The following CTNNA3 variants were observed in gnomAD, a reference collection of about 807,000 sequenced individuals.
CTNNA3 encodes the protein catenin alpha 3, also known as catenin alpha-3.
Under a neutral mutation model 95.7 loss-of-function variants are expected in CTNNA3, and 76 were observed. That is an observed-to-expected ratio of 0.79 (90% CI 0.66 to 0.96). CTNNA3 has a LOEUF of 0.96. Ranked by LOEUF, CTNNA3 falls within the 40% of genes least tolerant of loss-of-function variation. CTNNA3 has a pLI of 0.00. For missense variants in CTNNA3, 1,191 were observed against 1,089.8 expected, an observed-to-expected ratio of 1.09 and a Z score of -1.31; for synonymous variants, 431 against 374.4, an observed-to-expected ratio of 1.15 and a Z score of -1.74.
chr10:66,234,312 A>G (rs1215522468), intron 13 of CTNNA3, among the ~76,000 whole-genome samples: 1 of 152,198 alleles, frequency 6.6e-6, no homozygotes. Flanking sequence ...ATGGTTCTTC[A>G]ACAAGAATCT....
intron 3 of CTNNA3, among the ~76,000 whole-genome samples, chr10:67,575,573 A>G (rs540050220): frequency 6.6e-6 from 1 of 152,160 alleles, no homozygotes; most frequent in African/African-American, 2.4e-5. Flanking sequence ...AGCATTTCAC[A>G]TATAGGAATT....
chr10:66,508,480 A>G (rs1230954216), intron 11 of CTNNA3, among the ~76,000 whole-genome samples: 1 of 152,026 alleles, frequency 6.6e-6, no homozygotes. Context: ...TTCTGTTGCC[A>G]CACTCCTGGT....
intron 3 of CTNNA3, among the ~76,000 whole-genome samples, chr10:67,604,080 G>A (rs564199811): frequency 6.6e-6 from 1 of 152,300 alleles, no homozygotes; most frequent in African/African-American, 2.4e-5. Flanking sequence ...GTAACATGCT[G>A]TACGAGTTTG....
intron 1 of CTNNA3, among the ~76,000 whole-genome samples, chr10:67,692,319 A>T (rs1297252004): frequency 6.7e-6 from 1 of 148,212 alleles, no homozygotes; most frequent in Non-Finnish European, 1.5e-5. Context: ...TGGGGGAAAG[A>T]TTGAGAAATC....
chr10:66,839,508 A>T (rs10997404), intron 7 of CTNNA3, among the ~76,000 whole-genome samples: 48,825 of 151,942 alleles, frequency 0.32, 9,468 homozygotes, highest in African/African-American at 0.55. Context: ...TCAAAGCAAA[A>T]AGACACAAAA....
chr10:67,330,970 T>C (rs1841770585), intron 5 of CTNNA3, among the ~76,000 whole-genome samples: 1 of 152,186 alleles, frequency 6.6e-6, no homozygotes, highest in Non-Finnish European at 1.5e-5. Flanking sequence ...TGAAACCACC[T>C]TTACTTATAA....
intron 10 of CTNNA3, among the ~76,000 whole-genome samples, chr10:66,596,178 T>G (rs1843707802): frequency 1.3e-5 from 2 of 151,942 alleles, no homozygotes; most frequent in South Asian, 4.2e-4. Flanking sequence ...GTAGGGGCCG[T>G]GGCAGCCTGT....
intron 10 of CTNNA3, among the ~76,000 whole-genome samples, chr10:66,595,022 G>A (rs1005555060): frequency 3.3e-5 from 5 of 151,916 alleles, no homozygotes; most frequent in East Asian, 1.9e-4. Context: ...TGATATCAGC[G>A]AGATTGTGGA....
intron 3 of CTNNA3, among the ~76,000 whole-genome samples, chr10:67,606,321 A>AAT (rs1226919409): frequency 1.3e-5 from 2 of 152,206 alleles, no homozygotes; most frequent in Non-Finnish European, 2.9e-5. Context: ...AAAAAGATGA[A>AAT]ATATATGCTT....
intron 5 of CTNNA3, among the ~76,000 whole-genome samples, chr10:67,393,508 TG>T (rs1844595020): frequency 6.6e-6 from 1 of 152,126 alleles, no homozygotes; most frequent in Admixed American, 6.5e-5. Context: ...TCCAAATGTA[TG>T]GGTCAAGGAA....
chr10:66,397,958 GT>G (rs1439281318), intron 11 of CTNNA3, among the ~76,000 whole-genome samples: 1 of 151,814 alleles, frequency 6.6e-6, no homozygotes, highest in East Asian at 1.9e-4. Flanking sequence ...ATAAGTATAT[GT>G]TTAATAGGCA....
chr10:67,637,871 C>CA (rs1323468137), intron 2 of CTNNA3, among the ~76,000 whole-genome samples: 1 of 152,148 alleles, frequency 6.6e-6, no homozygotes, highest in East Asian at 1.9e-4. Flanking sequence ...AAGCACTAAA[C>CA]ATGGGAAGGA....
intron 9 of CTNNA3, among the ~76,000 whole-genome samples, chr10:66,660,858 A>G (rs549250561): frequency 5.6e-4 from 85 of 151,954 alleles, no homozygotes; most frequent in African/African-American, 1.9e-3. Context: ...TTTATTCCTT[A>G]TTTATTGACT....
At chr10:67,438,136 C>A (rs551416295) in intron 5 of CTNNA3, among the ~76,000 whole-genome samples, 1 of 152,086 alleles carries the variant, frequency 6.6e-6, no homozygotes, top group Non-Finnish European at 1.5e-5. Context: ...CGACTCACAG[C>A]CAAGTTGTTT....
At chr10:66,389,637 C>A (rs537571568) in intron 11 of CTNNA3, among the ~76,000 whole-genome samples, 119 of 152,094 alleles carry the variant, frequency 7.8e-4, no homozygotes, top group African/African-American at 2.8e-3. Context: ...TCAGTCACCA[C>A]AGGAAGTGTA....
intron 7 of CTNNA3, among the ~76,000 whole-genome samples, chr10:66,915,139 C>CTGAA (rs1846422364): frequency 6.7e-6 from 1 of 150,018 alleles, no homozygotes; most frequent in Non-Finnish European, 1.5e-5. Context: ...TTGTATAGAA[C>CTGAA]TGAAGGACAC....
At chr10:66,242,859 C>T (rs1392120967) in intron 13 of CTNNA3, among the ~76,000 whole-genome samples, 2 of 152,052 alleles carry the variant, frequency 1.3e-5, no homozygotes, top group Admixed American at 6.6e-5. Flanking sequence ...CATAATAGTC[C>T]ATAAAATGAG....
At chr10:67,347,049 A>G (rs1024288216) in intron 5 of CTNNA3, among the ~76,000 whole-genome samples, 2 of 150,386 alleles carry the variant, frequency 1.3e-5, no homozygotes, top group African/African-American at 5.0e-5. Flanking sequence ...TCTACTTATA[A>G]TAAGTAATCC....
Position 67,058,599 on chromosome 10 carries a change from G to T in CTNNA3, c.1047+121718C>A, listed in dbSNP as rs368828720. ...TATCATTCACATCCTCCATTGCCCT[G>T]CAAGGCCCCTTTTTTTTCTGTGCGC... On this transcript the variant is annotated intron_variant, in intron 7 of 17. Transcript: ENST00000433211. Among the ~76,000 whole-genome samples, 34 of 152,190 alleles carry T rather than the reference G, an allele frequency of 2.2e-4. No homozygotes were observed. In the East Asian group the frequency reaches 2.5e-3, roughly 11 times the overall value.
Sources: allele counts gnomAD v4.1 joint callset (sites outside exome capture counted in the v4.1 genomes callset), GRCh38; gene constraint gnomAD v4.1.1; transcripts MANE v1.5; gene names NCBI Gene and HGNC (gene_info 2026-07-23, HGNC 2026-07-21).